Variants in SLC26A11 observed in about 807,000 individuals in gnomAD.
The protein encoded by SLC26A11 is sodium-independent sulfate anion transporter.
In SLC26A11, 58 loss-of-function variants were observed where a neutral mutation model predicts 62.2. The observed-to-expected ratio is 0.93, with a 90% CI of 0.76 to 1.16. SLC26A11 has a LOEUF of 1.16. Among genes scored for constraint, SLC26A11 ranks in the 50% most tolerant of loss-of-function variants. The pLI, the probability that SLC26A11 is intolerant of heterozygous loss-of-function variation, is 0.00. For missense variants in SLC26A11, 790 were observed against 794.3 expected, an observed-to-expected ratio of 0.99 and a Z score of 0.06; for synonymous variants, 411 against 368.9, an observed-to-expected ratio of 1.11 and a Z score of -1.31.
At chr17:80,249,039 A>G (rs779354677) in intron 15 of SLC26A11, 115 bp from the exon 16 acceptor site, 18 of 1,326,322 alleles carry the variant, frequency 1.4e-5, no homozygotes, top group Non-Finnish European at 1.6e-5. Context: ...CCGCCACGAG[A>G]TGGAGCACTC....
At chr17:80,237,868 C>G (rs1420149290) in intron 9 of SLC26A11, among the ~76,000 whole-genome samples, 2 of 152,238 alleles carry the variant, frequency 1.3e-5, no homozygotes, top group African/African-American at 2.4e-5. Context: ...TGGCCCTTGC[C>G]GATGTCCACG....
At chr17:80,236,498 G>A (rs376498311) in intron 7 of SLC26A11, among the ~76,000 whole-genome samples, 4 of 152,248 alleles carry the variant, frequency 2.6e-5, no homozygotes, top group East Asian at 1.9e-4. Flanking sequence ...CCCTGTGGCC[G>A]TCATGGCTGC....
intron 10 of SLC26A11, among the ~76,000 whole-genome samples, chr17:80,242,998 C>T (rs1025950265): frequency 2.6e-5 from 4 of 152,162 alleles, no homozygotes; most frequent in East Asian, 1.9e-4. Flanking sequence ...TGAGCCACCG[C>T]GCCTGGCCCA....
chr17:80,224,058 C>T (rs2042297527), intron 5 of SLC26A11, among the ~76,000 whole-genome samples: 1 of 152,198 alleles, frequency 6.6e-6, no homozygotes, highest in Non-Finnish European at 1.5e-5. Flanking sequence ...TCACATGCTG[C>T]CTCCTGACCC....
chr17:80,241,727 T>C (rs2042866690), intron 9 of SLC26A11, 44 bp from the exon 10 acceptor site: 2 of 1,586,324 alleles, frequency 1.3e-6, no homozygotes, highest in Non-Finnish European at 1.7e-6. Context: ...TTTTGAGCGA[T>C]GTTGAATATT....
intron 7 of SLC26A11, among the ~76,000 whole-genome samples, chr17:80,236,236 C>T (rs529711808): frequency 3.9e-5 from 6 of 152,214 alleles, no homozygotes; most frequent in Non-Finnish European, 7.3e-5. Flanking sequence ...AGCTTTGCCT[C>T]GACCAGTTCT....
In SLC26A11 at chr17:80,238,820, G is replaced by GTTTT. The variant is rs1366044421; in HGVS notation, c.985+1229_985+1232dup. 6.3e-4 allele frequency among the ~76,000 whole-genome samples: 55 copies of GTTTT among 87,382 alleles called. 8 individuals are homozygous for GTTTT. The highest frequency in any genetic ancestry group is 9.8e-4 in the East Asian group (3 of 3,060). The allele number at this position is 87,382 out of a possible 152,430, so 57.3% of individuals were successfully genotyped here. On this transcript the variant is annotated intron_variant, in intron 9 of 17. Coordinates refer to ENST00000361193, the MANE Select transcript of SLC26A11 (RefSeq NM_001166347.2). ...TACCCCCTTCAAAGGAGTTTTTTTT[G>GTTTT]TTTTTTGTTTTTTTTTTTTTTTGGA...
Position 80,246,410 on chromosome 17 carries a change from C to G in SLC26A11, c.1154-99C>G. ...CTTGGCAGTCGTCGCCCTACCCCCA[C>G]CCCTGTCCCCAGTGGGCTCTGCTGA... On this transcript the variant is annotated intron_variant, in intron 12 of 17. Coordinates refer to ENST00000361193, the MANE Select transcript of SLC26A11 (RefSeq NM_001166347.2). This position sits in a 1 kb window ranked among gnomAD's most constrained non-coding sequence, Gnocchi z 4.4. 6.5e-7 allele frequency: 1 copy of G among 1,534,184 alleles called. No individual in the cohort carries two copies. Among genetic ancestry groups the G allele is most frequent in the Non-Finnish European group, 8.8e-7 (1 of 1,136,202 alleles).
At chr17:80,229,872 A>G (rs1315367672) in intron 7 of SLC26A11, among the ~76,000 whole-genome samples, 1 of 152,178 alleles carries the variant, frequency 6.6e-6, no homozygotes, top group East Asian at 1.9e-4. Flanking sequence ...TGTATTCTTC[A>G]GGGCACGCCC....
intron 9 of SLC26A11, among the ~76,000 whole-genome samples, chr17:80,239,264 A>C (rs948235620): frequency 6.6e-6 from 1 of 151,506 alleles, no homozygotes; most frequent in Non-Finnish European, 1.5e-5. Context: ...TTTTTAGTAG[A>C]GATGGGGTTT....
intron 10 of SLC26A11, among the ~76,000 whole-genome samples, chr17:80,244,886 G>T (rs1004784327): frequency 6.9e-6 from 1 of 145,486 alleles, no homozygotes; most frequent in Admixed American, 7.4e-5. Context: ...TGAGGCAGGA[G>T]AATCGCTTGA....
At chr17:80,241,414 C>A (rs1436070469) in intron 9 of SLC26A11, among the ~76,000 whole-genome samples, 1 of 152,184 alleles carries the variant, frequency 6.6e-6, no homozygotes, top group Non-Finnish European at 1.5e-5. Context: ...CACACACCAC[C>A]ATGCTTGGCT....
At chr17:80,244,974 CA>C (rs34294039) in intron 10 of SLC26A11, among the ~76,000 whole-genome samples, 16,501 of 67,648 alleles carry the variant, frequency 0.24, 656 homozygotes, top group Middle Eastern at 0.36. Flanking sequence ...GACTCTGTCT[CA>C]AAAAAAAAAA....
At position 80,251,337 on chromosome 17, in the gene SLC26A11, TC is replaced by T. The variant is rs1384521132; in HGVS notation, c.1666del (p.Leu556SerfsTer9). 6.2e-7 allele frequency: 1 copy of T among 1,614,066 alleles called. No homozygotes were observed. Among genetic ancestry groups the T allele is most frequent in the Non-Finnish European group, 8.5e-7 (1 of 1,179,988 alleles). ...LAFVGLQVPVLRVLLSADLKG... is the reference protein window; with the variant it reads ...LAFVGLQVPVXRVLLSADLKG... ...GTCTGTCTGTCTCTCAGGTCCCCGT[TC>T]TCCGTGTCCTGCTGTCCGCTGACCT... On this transcript the variant is annotated frameshift_variant, in exon 17 of 18. Transcript: ENST00000361193. LOFTEE classifies it high-confidence loss of function.
At chr17:80,247,171 G>A (rs1038061483) in intron 13 of SLC26A11, among the ~76,000 whole-genome samples, 10 of 152,030 alleles carry the variant, frequency 6.6e-5, no homozygotes, top group African/African-American at 2.4e-4. Context: ...TAAGGTCACA[G>A]ATAACAGGAT....
chr17:80,237,170 C>G (rs2042719139), intron 8 of SLC26A11, 67 bp downstream of exon 8: 4 of 1,540,234 alleles, frequency 2.6e-6, no homozygotes, highest in Non-Finnish European at 3.5e-6. Context: ...GGCTCCTACC[C>G]TGATGTATCT....
At position 80,245,212 on chromosome 17, in the gene SLC26A11, G is replaced by A. The variant is rs377308776; in HGVS notation, c.1053G>A (p.Leu351=). The part of the protein sequence containing the change: ...ELLAIGLTNM[L]GSLVSSYPVT... The stretch of plus-strand genomic sequence containing the variant: ...CCTCCCCAGGTCTCACCAACATGTT[G>A]GGCTCCCTCGTCTCCTCCTACCCGG... The change falls in exon 11 of 18, where the codon TTG becomes TTA. Residue 351 remains leucine (L), a synonymous_variant. Coordinates refer to ENST00000361193, the MANE Select transcript of SLC26A11 (RefSeq NM_001166347.2). The A allele has an allele frequency of 6.2e-7, 1 of 1,613,758 alleles. No individual in the cohort carries two copies. Among genetic ancestry groups the A allele is most frequent in the East Asian group, 2.2e-5 (1 of 44,828 alleles).
In SLC26A11 at chr17:80,222,104, C is replaced by T. The variant is rs532814430; in HGVS notation, c.234+310C>T. 59 of 320,978 alleles carry T rather than the reference C, an allele frequency of 1.8e-4. No homozygotes were observed. The highest frequency in any genetic ancestry group is 2.0e-4 in the Non-Finnish European group (35 of 176,644). The allele number at this position is 320,978 out of a possible 1,614,324, so 19.9% of individuals were successfully genotyped here. On this transcript the variant is annotated intron_variant, in intron 3 of 17. Coordinates refer to ENST00000361193, the MANE Select transcript of SLC26A11 (RefSeq NM_001166347.2). This position sits in a 1 kb window ranked among gnomAD's most constrained non-coding sequence, Gnocchi z 4.7. The stretch of plus-strand genomic sequence containing the variant: ...AAAAATACAAAAATTAGGCTGGGTG[C>T]GGTGGCTCAAGCCTGTAATCCCAGC...
In SLC26A11 at chr17:80,248,579, C is replaced by T; in HGVS notation, c.1427C>T (p.Ser476Leu). 1.3e-6 allele frequency: 2 copies of T among 1,579,370 alleles called. No individual in the cohort carries two copies. The highest frequency in any genetic ancestry group is 1.7e-6 in the Non-Finnish European group (2 of 1,163,018). The change falls in exon 15 of 18, where the codon TCA becomes TTA. Residue 476 changes from serine to leucine, a missense_variant. Coordinates refer to ENST00000361193, the MANE Select transcript of SLC26A11 (RefSeq NM_001166347.2). Reference sequence around the variant, plus strand: ...AGGACTCACTCCTCCCCACAGGTGTCAGAGGGGCCGGTTCTGGTCCTGCAG... The same window carrying T: ...AGGACTCACTCCTCCCCACAGGTGTTAGAGGGGCCGGTTCTGGTCCTGCAG... ...HSAARPETKV[S>L]EGPVLVLQPA... is the part of the protein sequence containing the mutation.
Sources: allele counts gnomAD v4.1 joint callset (sites outside exome capture counted in the v4.1 genomes callset), GRCh38; gene constraint gnomAD v4.1.1; non-coding constraint Gnocchi (gnomAD v3.1); transcripts MANE v1.5; gene names NCBI Gene and HGNC (gene_info 2026-07-23, HGNC 2026-07-21).